The following SLC9A1 variants were observed in gnomAD, a reference collection of about 807,000 sequenced individuals.
SLC9A1 encodes solute carrier family 9 member A1, also known as sodium/hydrogen exchanger 1.
A neutral mutation model predicts 67.9 loss-of-function variants in SLC9A1; 22 were observed. The observed-to-expected ratio is 0.32, with a 90% CI of 0.23 to 0.46. The LOEUF is 0.46. SLC9A1 is among the 20% of genes least tolerant of loss of function. The pLI, the probability that SLC9A1 is intolerant of heterozygous loss-of-function variation, is 1.00. For synonymous variants in SLC9A1, 421 were observed against 471.8 expected, an observed-to-expected ratio of 0.89 and a Z score of 1.40; for missense variants, 686 against 1,094.8, an observed-to-expected ratio of 0.63 and a Z score of 5.27.
At chr1:27,128,833 T>C (rs1381103461) in intron 1 of SLC9A1, among the ~76,000 whole-genome samples, 3 of 152,012 alleles carry the variant, frequency 2.0e-5, no homozygotes, top group Non-Finnish European at 4.4e-5. Context: ...GGTGCATGCC[T>C]GTAATCCCAG....
Position 27,101,758 on chromosome 1 carries a change from G to A in SLC9A1, c.2004C>T (p.Leu668=), listed in dbSNP as rs201915084. 1.0e-4 allele frequency: 164 copies of A among 1,613,286 alleles called. No individual in the cohort carries two copies. The highest frequency in any genetic ancestry group is 1.4e-4 in the Non-Finnish European group (160 of 1,179,822). Residue 668 remains leucine, a synonymous_variant, in exon 10 of 12, where the codon CTC becomes CTT. Coordinates refer to ENST00000263980, the MANE Select transcript of SLC9A1 (RefSeq NM_003047.5). This position sits in a 1 kb window ranked among gnomAD's most constrained non-coding sequence, Gnocchi z 4.9. ...CCAGCTGCCGGGCCTTCTGCCTCCG[G>A]AGCAGCATCTGGTTCCAGGCTTCCT... ...PYEEAWNQML[L]RRQKARQLEQ...
chr1:27,134,760 A>G (rs1208342493), intron 1 of SLC9A1, among the ~76,000 whole-genome samples: 5 of 152,222 alleles, frequency 3.3e-5, no homozygotes, highest in African/African-American at 1.2e-4. Flanking sequence ...TTGTTTCAAG[A>G]GCAAATTGCT....
At chr1:27,134,632 A>G (rs141569559) in intron 1 of SLC9A1, among the ~76,000 whole-genome samples, 1 of 152,314 alleles carries the variant, frequency 6.6e-6, no homozygotes, top group East Asian at 1.9e-4. Flanking sequence ...TTCAGGGTCC[A>G]TCCCAGACTC....
intron 1 of SLC9A1, among the ~76,000 whole-genome samples, chr1:27,130,381 C>T (rs943229607): frequency 7.9e-5 from 12 of 152,210 alleles, no homozygotes; most frequent in Non-Finnish European, 1.3e-4. Flanking sequence ...GGATTACAGG[C>T]GTGAGCCACC....
rs768011425 is a variant in SLC9A1 at position 27,101,322 on chromosome 1, G to A, written c.2038-47C>T. 1.2e-5 allele frequency: 18 copies of A among 1,499,384 alleles called. No homozygotes were observed. In the South Asian group the frequency reaches 2.0e-4, roughly 17 times the overall value. The allele number at this position is 1,499,384 out of a possible 1,614,324, so 92.9% of individuals were successfully genotyped here. On this transcript the variant is annotated intron_variant, in intron 10 of 11. Coordinates refer to ENST00000263980, the MANE Select transcript of SLC9A1 (RefSeq NM_003047.5). The surrounding 1 kb of genome is among the most constrained non-coding windows in gnomAD (Gnocchi z 4.9). ...GTGAGCACAGGCAGCTGGGCAGAGG[G>A]AGCCCCTCAGGACAGAACCCGGCCA...
At chr1:27,128,203 T>G (rs940994396) in intron 1 of SLC9A1, among the ~76,000 whole-genome samples, 4 of 152,188 alleles carry the variant, frequency 2.6e-5, no homozygotes, top group Non-Finnish European at 5.9e-5. Context: ...GTCCCAATTC[T>G]AAATCTTAAC....
In SLC9A1 at chr1:27,155,077, G is replaced by C. The variant is rs1002761714; in HGVS notation, c.-743C>G. 1.3e-5 allele frequency among the ~76,000 whole-genome samples: 2 copies of C among 152,028 alleles called. No homozygotes were observed. Among genetic ancestry groups the C allele is most frequent in the African/African-American group, 2.4e-5 (1 of 41,412 alleles). On this transcript the variant is annotated 5_prime_UTR_variant, in exon 1 of 12. Transcript: ENST00000263980. The surrounding 1 kb of genome is among the most constrained non-coding windows in gnomAD (Gnocchi z 4.5). Reference sequence around the variant, plus strand: ...CCCCGGCCCAGCTGCAGCTCCTCCTGGTCCAGCTCCAGAACTAACCCTAGC... The same window carrying C: ...CCCCGGCCCAGCTGCAGCTCCTCCTCGTCCAGCTCCAGAACTAACCCTAGC...
In SLC9A1 at chr1:27,109,873, C is replaced by A; in HGVS notation, c.814-96G>T. The A allele has an allele frequency of 7.1e-7, 1 of 1,418,094 alleles. No homozygotes were observed. Among genetic ancestry groups the A allele is most frequent in the Non-Finnish European group, 9.7e-7 (1 of 1,029,246 alleles). The allele number at this position is 1,418,094 out of a possible 1,614,324, so 87.8% of individuals were successfully genotyped here. A position where few individuals can be genotyped will look rare whatever the true frequency, so the allele number is the denominator to read the frequency against. On this transcript the variant is annotated intron_variant, in intron 2 of 11. Transcript: ENST00000263980. The surrounding 1 kb of genome is among the most constrained non-coding windows in gnomAD (Gnocchi z 5.5). ...AGGGCAATCCTGTCCCCTCCGTTAA[C>A]CATGGCCACAAGAAGAGGCCACACG...
rs920059015 is a variant in SLC9A1, at chr1:27,155,092, C to T, written c.-758G>A. 4.6e-5 allele frequency among the ~76,000 whole-genome samples: 7 copies of T among 152,192 alleles called. No individual in the cohort carries two copies. The highest frequency in any genetic ancestry group is 2.0e-4 in the Admixed American group (3 of 15,292). ...AGCTCCTCCTGGTCCAGCTCCAGAA[C>T]TAACCCTAGCCCCGGCCCCGGCGGC... On this transcript the variant is annotated 5_prime_UTR_variant, in exon 1 of 12. Coordinates refer to ENST00000263980, the MANE Select transcript of SLC9A1 (RefSeq NM_003047.5). This position sits in a 1 kb window ranked among gnomAD's most constrained non-coding sequence, Gnocchi z 4.5.
chr1:27,123,187 T>C (rs1047126176), intron 1 of SLC9A1, among the ~76,000 whole-genome samples: 3 of 152,288 alleles, frequency 2.0e-5, no homozygotes, highest in South Asian at 2.1e-4. Flanking sequence ...AAACTTATGG[T>C]CATTAAAATT....
chr1:27,114,141 C>T lies in SLC9A1; in HGVS notation c.498G>A (p.Leu166=). ...LQSDVFFLFL[L]PPIILDAGYF... is the part of the protein sequence containing the mutation. Reference sequence around the variant, plus strand: ...AGCCCGCATCCAGGATGATGGGCGGCAGCAGGAAGAGGAAGAAGACGTCGG... The same window carrying T: ...AGCCCGCATCCAGGATGATGGGCGGTAGCAGGAAGAGGAAGAAGACGTCGG... Residue 166 remains leucine, a synonymous_variant, in exon 2 of 12, where the codon CTG becomes CTA. Transcript: ENST00000263980. This position sits in a 1 kb window ranked among gnomAD's most constrained non-coding sequence, Gnocchi z 5.4. The T allele has an allele frequency of 6.2e-7, 1 of 1,614,182 alleles. No homozygotes were observed. The highest frequency in any genetic ancestry group is 8.5e-7 in the Non-Finnish European group (1 of 1,180,044).
At chr1:27,132,187 T>C (rs2083390810) in intron 1 of SLC9A1, among the ~76,000 whole-genome samples, 2 of 151,664 alleles carry the variant, frequency 1.3e-5, no homozygotes, top group Non-Finnish European at 1.5e-5. Context: ...GAGAAAATGA[T>C]CTGGATGAGT....
intron 1 of SLC9A1, among the ~76,000 whole-genome samples, chr1:27,121,479 C>A (rs1017379330): frequency 6.6e-6 from 1 of 152,192 alleles, no homozygotes; most frequent in African/African-American, 2.4e-5. Context: ...ACAGGAGCAC[C>A]TTGTGCACTG....
chr1:27,151,551 G>A (rs929538603), intron 1 of SLC9A1, among the ~76,000 whole-genome samples: 5 of 151,914 alleles, frequency 3.3e-5, no homozygotes, highest in Non-Finnish European at 5.9e-5. Context: ...TAGTAGAGAC[G>A]GGGTTTCACC....
Position 27,106,686 on chromosome 1 carries a change from T to C in SLC9A1, c.1283-599A>G, listed in dbSNP as rs1035487412. On this transcript the variant is annotated intron_variant, in intron 4 of 11. Transcript: ENST00000263980. The surrounding 1 kb of genome is among the most constrained non-coding windows in gnomAD (Gnocchi z 4.3). ...ACTGGGGTGAGGCATGTGGGGCACA[T>C]GTGAGTGGAACCCATGCACCTGGGG... Among the ~76,000 whole-genome samples, 1 of 151,988 alleles carries C rather than the reference T, an allele frequency of 6.6e-6. No individual in the cohort carries two copies. Among genetic ancestry groups the C allele is most frequent in the Non-Finnish European group, 1.5e-5 (1 of 67,960 alleles).
chr1:27,139,086 C>T (rs1019936891), intron 1 of SLC9A1, among the ~76,000 whole-genome samples: 2 of 152,132 alleles, frequency 1.3e-5, no homozygotes, highest in Non-Finnish European at 2.9e-5. Context: ...GATGCTTCAT[C>T]CAGCCCCGCC....
chr1:27,128,258 TCA>T (rs5773178), intron 1 of SLC9A1, among the ~76,000 whole-genome samples: 45,040 of 152,038 alleles, frequency 0.3, 7,165 homozygotes, highest in Non-Finnish European at 0.36. Flanking sequence ...GCCCTGAACC[TCA>T]GTTTCTTCCT....
rs776254437 is a variant in SLC9A1, at chr1:27,154,149, G to A, written c.186C>T (p.Thr62=). 4 of 1,614,132 alleles carry A rather than the reference G, an allele frequency of 2.5e-6. No homozygotes were observed. Among genetic ancestry groups the A allele is most frequent in the Non-Finnish European group, 3.4e-6 (4 of 1,180,004 alleles). The change falls in exon 1 of 12, where the codon ACC becomes ACT. Residue 62 remains threonine, a synonymous_variant. Transcript: ENST00000263980. ...TCTCTGGGGTGACCTCCGGTGGAGCGGTGGTGACATCCCCAATCGAGCGTT... is the reference window on the plus strand; with the variant it reads ...TCTCTGGGGTGACCTCCGGTGGAGCAGTGGTGACATCCCCAATCGAGCGTT... ...PRERSIGDVT[T]APPEVTPESR...
intron 1 of SLC9A1, among the ~76,000 whole-genome samples, chr1:27,127,141 C>T (rs1344145586): frequency 6.6e-6 from 1 of 152,152 alleles, no homozygotes; most frequent in Non-Finnish European, 1.5e-5. Context: ...ACTGGGACTA[C>T]AGGCGCGTGC....
Sources: allele counts gnomAD v4.1 joint callset (sites outside exome capture counted in the v4.1 genomes callset), GRCh38; gene constraint gnomAD v4.1.1; non-coding constraint Gnocchi (gnomAD v3.1); transcripts MANE v1.5; gene names NCBI Gene and HGNC (gene_info 2026-07-23, HGNC 2026-07-21).